The following CDH13 variants were observed in gnomAD, a reference collection of about 807,000 sequenced individuals.
CDH13 encodes cadherin 13, also known as cadherin-13.
A neutral mutation model predicts 63.8 loss-of-function variants in CDH13; 24 were observed. That is an observed-to-expected ratio of 0.38 (90% CI 0.27 to 0.53). The LOEUF (loss-of-function observed/expected upper bound fraction) is 0.53. Ranked by LOEUF, CDH13 falls within the 20% of genes least tolerant of loss-of-function variation. The pLI, the probability that CDH13 is intolerant of heterozygous loss-of-function variation, is 0.85. For synonymous variants in CDH13, 503 were observed against 355.3 expected (o/e 1.42, Z -4.67); for missense variants, 1,049 against 903.1 (o/e 1.16, Z -2.07).
At chr16:83,437,984 G>T (rs8054800) in intron 6 of CDH13, among the ~76,000 whole-genome samples, 9,470 of 152,062 alleles carry the variant, frequency 0.062, 332 homozygotes, top group African/African-American at 0.071. Flanking sequence ...CCACTCCCAT[G>T]TGCATGCTCC....
chr16:82,882,590 G>A (rs2040743746), intron 2 of CDH13, among the ~76,000 whole-genome samples: 1 of 152,118 alleles, frequency 6.6e-6, no homozygotes, highest in Admixed American at 6.5e-5. Context: ...GGGACTAAGG[G>A]TGTTTTTATT....
intron 1 of CDH13, among the ~76,000 whole-genome samples, chr16:82,722,870 C>T (rs1219179330): frequency 2.0e-5 from 3 of 152,196 alleles, no homozygotes; most frequent in Non-Finnish European, 2.9e-5. Context: ...ATGGCATGTC[C>T]AGCACCAGGA....
intron 4 of CDH13, among the ~76,000 whole-genome samples, chr16:83,127,257 G>T (rs972631169): frequency 6.6e-6 from 1 of 152,216 alleles, no homozygotes; most frequent in Non-Finnish European, 1.5e-5. Context: ...GTTTCATCGT[G>T]CATGCAGCAG....
intron 5 of CDH13, among the ~76,000 whole-genome samples, chr16:83,340,676 G>A (rs978994690): frequency 3.3e-5 from 5 of 152,158 alleles, no homozygotes; most frequent in African/African-American, 4.8e-5. Context: ...CAGCTCCTGG[G>A]GGATGCCAAT....
In CDH13 at chr16:82,627,226, G is replaced by T. The variant is rs1555525797; in HGVS notation, c.45+89G>T. On this transcript the variant is annotated intron_variant, in intron 1 of 13. Transcript: ENST00000567109. ...GGGCAGGGTGAGGGGGCTTTCGGGGGGTCGGGGCCTCCGGTCGCGGCGGCG... is the reference window on the plus strand; with the variant it reads ...GGGCAGGGTGAGGGGGCTTTCGGGGTGTCGGGGCCTCCGGTCGCGGCGGCG... The T allele has an allele frequency of 4.5e-5, 52 of 1,149,032 alleles. No homozygotes were observed. The South Asian group carries it at 6.0e-4, about 13-fold the overall frequency. The allele number at this position is 1,149,032 out of a possible 1,614,324, so 71.2% of individuals were successfully genotyped here. A position where few individuals can be genotyped will look rare whatever the true frequency, so the allele number is the denominator to read the frequency against.
At chr16:82,670,341 G>C (rs1597274562) in intron 1 of CDH13, among the ~76,000 whole-genome samples, 1 of 152,192 alleles carries the variant, frequency 6.6e-6, no homozygotes, top group Admixed American at 6.5e-5. Flanking sequence ...AATTTAGAGC[G>C]ATTTCTTTCC....
intron 10 of CDH13, chr16:83,735,390 C>T (rs369599457): frequency 1.8e-4 from 28 of 152,166 alleles, no homozygotes; most frequent in Admixed American, 1.8e-3. Context: ...TGCGTTTTCA[C>T]TTGTCATGGA....
At chr16:82,638,999 A>G (rs1909051348) in intron 1 of CDH13, among the ~76,000 whole-genome samples, 1 of 152,048 alleles carries the variant, frequency 6.6e-6, no homozygotes, top group South Asian at 2.1e-4. Context: ...GATGAGAAGA[A>G]GTTTTGAGTG....
intron 3 of CDH13, among the ~76,000 whole-genome samples, chr16:83,046,175 C>G (rs1209045883): frequency 1.3e-5 from 2 of 152,166 alleles, no homozygotes; most frequent in Non-Finnish European, 2.9e-5. Flanking sequence ...TTCCTCTGGT[C>G]CATACCCCTT....
At chr16:82,788,362 C>T (rs986641049) in intron 1 of CDH13, among the ~76,000 whole-genome samples, 1 of 152,148 alleles carries the variant, frequency 6.6e-6, no homozygotes, top group Non-Finnish European at 1.5e-5. Flanking sequence ...GGCTGAGTCC[C>T]AAGAGCCATG....
intron 5 of CDH13, among the ~76,000 whole-genome samples, chr16:83,304,774 G>A (rs982252758): frequency 6.6e-6 from 1 of 152,112 alleles, no homozygotes; most frequent in African/African-American, 2.4e-5. Context: ...TCATGTTCAT[G>A]TCATGTAATA....
Position 82,782,606 on chromosome 16 carries a change from G to C in CDH13, c.46-75756G>C, listed in dbSNP as rs113904387. Among the ~76,000 whole-genome samples, 992 of 151,992 alleles carry C rather than the reference G, an allele frequency of 6.5e-3. 7 individuals are homozygous for C. Among genetic ancestry groups the C allele is most frequent in the African/African-American group, 0.023 (936 of 41,470 alleles). ...TGGATGCATGAACAAGTGCATAATA[G>C]GTAGATAAATACACCTTAGGAGACA... is the stretch of plus-strand genomic sequence containing the variant. On this transcript the variant is annotated intron_variant, in intron 1 of 13. Transcript: ENST00000567109.
chr16:83,519,569 A>G (rs2074781108), intron 7 of CDH13, among the ~76,000 whole-genome samples: 1 of 152,234 alleles, frequency 6.6e-6, no homozygotes, highest in South Asian at 2.1e-4. Context: ...ATCCAGTTAT[A>G]AGTTTACAGA....
chr16:83,220,730 G>A (rs1484676733), intron 5 of CDH13, among the ~76,000 whole-genome samples: 1 of 150,574 alleles, frequency 6.6e-6, no homozygotes, highest in Non-Finnish European at 1.5e-5. Flanking sequence ...TAGCGCCAAT[G>A]TTTCTGTTGT....
chr16:83,100,864 C>T (rs1285744506), intron 3 of CDH13, among the ~76,000 whole-genome samples: 1 of 152,170 alleles, frequency 6.6e-6, no homozygotes. Flanking sequence ...GACTTTTGTA[C>T]AGCGTACAAC....
chr16:83,173,834 T>G (rs72800278), intron 4 of CDH13, among the ~76,000 whole-genome samples: 24,680 of 151,928 alleles, frequency 0.16, 2,120 homozygotes, highest in South Asian at 0.19. Context: ...CTAGCATCCA[T>G]CTTGCTGTCC....
intron 3 of CDH13, among the ~76,000 whole-genome samples, chr16:83,095,500 C>G (rs1026086346): frequency 6.6e-6 from 1 of 152,180 alleles, no homozygotes; most frequent in African/African-American, 2.4e-5. Context: ...TATATCCTCT[C>G]AAAGGCATTA....
intron 2 of CDH13, among the ~76,000 whole-genome samples, chr16:82,900,149 A>G (rs538468505): frequency 2.0e-5 from 3 of 152,302 alleles, no homozygotes; most frequent in African/African-American, 7.2e-5. Flanking sequence ...CCCTCTGCCA[A>G]GAGTGATTCT....
chr16:83,315,454 A>G (rs145672145), intron 5 of CDH13, among the ~76,000 whole-genome samples: 144 of 152,338 alleles, frequency 9.5e-4, no homozygotes, highest in African/African-American at 3.4e-3. Flanking sequence ...CTGTGTGTAC[A>G]GTAATTATTT....
Sources: allele counts gnomAD v4.1 joint callset (sites outside exome capture counted in the v4.1 genomes callset), GRCh38; gene constraint gnomAD v4.1.1; transcripts MANE v1.5; gene names NCBI Gene and HGNC (gene_info 2026-07-23, HGNC 2026-07-21).